Variants in DRC2 observed in about 807,000 individuals in gnomAD.
DRC2 encodes the protein coiled-coil domain containing 65.
chr12:48,918,538 C>A, the DRC2 span: 1 of 1,543,952 alleles, frequency 6.5e-7, no homozygotes, highest in Non-Finnish European at 8.9e-7. Context: ...TTTGCTTCCC[C>A]TTGTTTCCCC....
the DRC2 span, among the ~76,000 whole-genome samples, chr12:48,908,331 G>T: frequency 5.3e-5 from 8 of 151,942 alleles, no homozygotes; most frequent in Admixed American, 1.3e-4. Flanking sequence ...AGTATTACAG[G>T]CATGAGCCAC....
chr12:48,919,010 G>A, the DRC2 span: 1 of 747,428 alleles, frequency 1.3e-6, no homozygotes, highest in Non-Finnish European at 2.2e-6. Flanking sequence ...CTTCCTGGCT[G>A]AGTGGACACT....
At chr12:48,921,136 T>G in the DRC2 span, 1 of 1,612,012 alleles carries the variant, frequency 6.2e-7, no homozygotes, top group Non-Finnish European at 8.5e-7. Flanking sequence ...TGGGTCTCGC[T>G]GCACACCTTC....
At chr12:48,918,030 C>T in the DRC2 span, 4 of 453,402 alleles carry the variant, frequency 8.8e-6, no homozygotes, top group East Asian at 3.7e-5. Context: ...GCAAGGCTCA[C>T]GTGGAGCTCA....
At chr12:48,907,158 T>C in the DRC2 span, among the ~76,000 whole-genome samples, 38 of 152,162 alleles carry the variant, frequency 2.5e-4, no homozygotes, top group Admixed American at 2.4e-3. Flanking sequence ...GAGCTTGCAG[T>C]GAGCAGAGAT....
At chr12:48,918,508 A>T in the DRC2 span, 1 of 1,600,016 alleles carries the variant, frequency 6.2e-7, no homozygotes, top group Admixed American at 1.7e-5. Flanking sequence ...CACTGCTTTA[A>T]CTGCTCTATT....
the DRC2 span, among the ~76,000 whole-genome samples, chr12:48,915,772 G>A: frequency 7.3e-5 from 11 of 150,000 alleles, no homozygotes; most frequent in East Asian, 4.0e-4. Context: ...CTGGCCGGGC[G>A]GGGGGCTGAC....
chr12:48,907,196 CAG>C, the DRC2 span, among the ~76,000 whole-genome samples: 1 of 152,162 alleles, frequency 6.6e-6, no homozygotes, highest in Middle Eastern at 3.4e-3. Flanking sequence ...GCCTGGGTGA[CAG>C]AGCGAGACTC....
At chr12:48,920,916 C>T in the DRC2 span, 5 of 1,602,398 alleles carry the variant, frequency 3.1e-6, no homozygotes, top group South Asian at 5.6e-5. Flanking sequence ...AAACTCTCTT[C>T]CCGCTTCAAA....
At chr12:48,917,283 AT>A in the DRC2 span, among the ~76,000 whole-genome samples, 1 of 88,426 alleles carries the variant, frequency 1.1e-5, no homozygotes, top group Admixed American at 1.0e-4. Flanking sequence ...AGTCCCCCCC[AT>A]CTCTACCGGC....
At chr12:48,918,526 C>A in the DRC2 span, 1 of 1,573,074 alleles carries the variant, frequency 6.4e-7, no homozygotes, top group Non-Finnish European at 8.7e-7. Flanking sequence ...ATTATCCCCT[C>A]TTTTGCTTCC....
chr12:48,914,535 G>A, the DRC2 span: 1 of 1,614,178 alleles, frequency 6.2e-7, no homozygotes, highest in Non-Finnish European at 8.5e-7. Flanking sequence ...GTTACAACAT[G>A]GAGCTGGAAG....
chr12:48,916,967 C>A, the DRC2 span: 1 of 1,612,902 alleles, frequency 6.2e-7, no homozygotes, highest in Non-Finnish European at 8.5e-7. Context: ...TTGTCTCCTA[C>A]AGGAAGACAA....
the DRC2 span, chr12:48,918,098 C>T: frequency 2.7e-5 from 16 of 600,908 alleles, no homozygotes; most frequent in Non-Finnish European, 3.8e-5. Context: ...CCACAGGCCC[C>T]ACCCGGCCCA....
chr12:48,919,634 C>T, the DRC2 span, among the ~76,000 whole-genome samples: 2 of 152,026 alleles, frequency 1.3e-5, no homozygotes, highest in Non-Finnish European at 2.9e-5. Context: ...TCTCCTGCCT[C>T]AGCCTCCTGA....
the DRC2 span, among the ~76,000 whole-genome samples, chr12:48,916,620 AGGGAGACCATG>A: frequency 1.4e-3 from 197 of 142,380 alleles, no homozygotes; most frequent in Non-Finnish European, 2.0e-3. Flanking sequence ...CCATGGGGAG[AGGGAGACCATG>A]GGGAGAGGGA....
the DRC2 span, among the ~76,000 whole-genome samples, chr12:48,910,909 G>A: frequency 6.6e-6 from 1 of 152,144 alleles, no homozygotes; most frequent in South Asian, 2.1e-4. Flanking sequence ...GCCGGGCATG[G>A]TGGTATGTGC....
the DRC2 span, among the ~76,000 whole-genome samples, chr12:48,916,446 G>A: frequency 3.9e-5 from 6 of 152,218 alleles, no homozygotes; most frequent in East Asian, 5.8e-4. Flanking sequence ...AAAAAAATAC[G>A]AAAACCAGTC....
At chr12:48,914,783 T>C in the DRC2 span, among the ~76,000 whole-genome samples, 44 of 152,346 alleles carry the variant, frequency 2.9e-4, no homozygotes, top group South Asian at 1.9e-3. Context: ...GTCAGGTCCC[T>C]GTCTGTGTAC....
Sources: gnomAD v4.1 joint callset for allele counts (sites outside exome capture counted in the v4.1 genomes callset) on GRCh38, gnomAD v4.1.1 for gene constraint, MANE v1.5 for transcripts, NCBI Gene and HGNC (gene_info 2026-07-23, HGNC 2026-07-21) for gene names.